The following MRPL37 variants were observed in gnomAD, a reference collection of about 807,000 sequenced individuals.
MRPL37 encodes the protein mitochondrial ribosomal protein L37.
In MRPL37, 34 loss-of-function variants were observed where a neutral mutation model predicts 44.1. That is an observed-to-expected ratio of 0.77 (90% CI 0.59 to 1.03). The LOEUF is 1.03. Ranked by LOEUF, MRPL37 falls within the 50% of genes least tolerant of loss-of-function variation. MRPL37 has a pLI of 0.00. For missense variants in MRPL37, 532 were observed against 543.7 expected, an observed-to-expected ratio of 0.98 and a Z score of 0.21; for synonymous variants, 212 against 219.5, an observed-to-expected ratio of 0.97 and a Z score of 0.30.
Position 54,201,713 on chromosome 1 carries a change from A to C in MRPL37, c.346+1124A>C, listed in dbSNP as rs148119083. Among the ~76,000 whole-genome samples the C allele has an allele frequency of 5.2e-4, 79 of 152,292 alleles. 1 individual carries two copies. In the East Asian group the frequency reaches 0.012, roughly 23 times the overall value. ...CTCAGATTCTCCTCCTAGCCTTGTCACTTACAAAGTATGTGAGTTGGAGCA... is the reference window on the plus strand; with the variant it reads ...CTCAGATTCTCCTCCTAGCCTTGTCCCTTACAAAGTATGTGAGTTGGAGCA... On this transcript the variant is annotated intron_variant, in intron 1 of 6. Transcript: ENST00000360840.
chr1:54,218,725 C>A (rs1644214575), downstream of MRPL37, among the ~76,000 whole-genome samples: 1 of 152,208 alleles, frequency 6.6e-6, no homozygotes, highest in Admixed American at 6.5e-5. Context: ...TCCCTCGTAT[C>A]CTGGTTAATG....
chr1:54,219,829 C>T (rs1003020298), downstream of MRPL37, among the ~76,000 whole-genome samples: 8 of 152,312 alleles, frequency 5.3e-5, 1 homozygote, highest in African/African-American at 1.7e-4. Flanking sequence ...GCCTGTTCTG[C>T]ACTTCCTTTT....
intron 1 of MRPL37, among the ~76,000 whole-genome samples, chr1:54,204,203 T>C (rs755349176): frequency 1.3e-5 from 2 of 152,144 alleles, no homozygotes; most frequent in Non-Finnish European, 2.9e-5. Flanking sequence ...GACAACATGG[T>C]GAAACCCTGT....
At position 54,212,525 on chromosome 1, in the gene MRPL37, C is replaced by A. The variant is rs757807185; in HGVS notation, c.857C>A (p.Pro286His). 2 of 1,614,196 alleles carry A rather than the reference C, an allele frequency of 1.2e-6. No homozygotes were observed. Among genetic ancestry groups the A allele is most frequent in the Middle Eastern group, 1.6e-4 (1 of 6,062 alleles). ...DTGFQEGYPY[P>H]YPHTLYLLDK... ...GGATTCCAGGAAGGCTATCCTTACCCCTATCCCCATACCCTGTACTTACTG... is the reference window on the plus strand; with the variant it reads ...GGATTCCAGGAAGGCTATCCTTACCACTATCCCCATACCCTGTACTTACTG... The change falls in exon 5 of 7, where the codon CCC becomes CAC. Residue 286 changes from proline (P) to histidine (H), a missense_variant. Transcript: ENST00000360840.
At chr1:54,201,772 T>C (rs1158041591) in intron 1 of MRPL37, among the ~76,000 whole-genome samples, 1 of 152,214 alleles carries the variant, frequency 6.6e-6, no homozygotes, top group South Asian at 2.1e-4. Context: ...TTTTTCATTT[T>C]ATGAAATCCC....
chr1:54,210,132 G>A lies in MRPL37; in HGVS notation c.832+1G>A. The A allele has an allele frequency of 6.2e-7, 1 of 1,613,270 alleles. No homozygotes were observed. Among genetic ancestry groups the A allele is most frequent in the Non-Finnish European group, 8.5e-7 (1 of 1,179,290 alleles). ...ATTTATGATGTGAAAAATGACACAG[G>A]TAAGGATCAATGTCTTGGACTTTTA... is the stretch of plus-strand genomic sequence containing the variant. On this transcript the variant is annotated splice_donor_variant, in intron 4 of 6. Coordinates refer to ENST00000360840, the MANE Select transcript of MRPL37 (RefSeq NM_016491.4). LOFTEE classifies it high-confidence loss of function.
At chr1:54,220,471 CT>C (rs1644225228), downstream of MRPL37, 1 of 373,446 alleles carries the variant, frequency 2.7e-6, no homozygotes, top group African/African-American at 2.1e-5. Flanking sequence ...CAAAGTACAG[CT>C]GATCTGCAAA....
At chr1:54,208,312 G>A (rs542821953) in intron 3 of MRPL37, among the ~76,000 whole-genome samples, 2 of 152,196 alleles carry the variant, frequency 1.3e-5, no homozygotes, top group South Asian at 2.1e-4. Flanking sequence ...GGAGGCCAAG[G>A]TGGGTGGATC....
In MRPL37 at chr1:54,208,527, C is replaced by T. The variant is rs375847012; in HGVS notation, c.647-1419C>T. Among the ~76,000 whole-genome samples, 121 of 117,684 alleles carry T rather than the reference C, an allele frequency of 1.0e-3. 2 individuals are homozygous for T. In the South Asian group the frequency reaches 0.02, roughly 19 times the overall value. The allele number at this position is 117,684 out of a possible 152,430, so 77.2% of individuals were successfully genotyped here. A position where few individuals can be genotyped will look rare whatever the true frequency, so the allele number is the denominator to read the frequency against. On this transcript the variant is annotated intron_variant, in intron 3 of 6. Coordinates refer to ENST00000360840, the MANE Select transcript of MRPL37 (RefSeq NM_016491.4). Reference sequence around the variant, plus strand: ...TTGCGCCACTGCACTCCAGCCTGGGCGACAGAGCAAGACTCCGTCTCAAAA... The same window carrying T: ...TTGCGCCACTGCACTCCAGCCTGGGTGACAGAGCAAGACTCCGTCTCAAAA...
At position 54,218,230 on chromosome 1, in the gene MRPL37, A is replaced by G. The variant is rs1413334760; in HGVS notation, c.1253A>G (p.Tyr418Cys). 2 of 1,613,990 alleles carry G rather than the reference A, an allele frequency of 1.2e-6. No homozygotes were observed. The highest frequency in any genetic ancestry group is 2.2e-5 in the East Asian group (1 of 44,886). Residue 418 changes from tyrosine (Y) to cysteine (C), a missense_variant, in exon 7 of 7, where the codon TAT (tyrosine) becomes TGT (cysteine). Coordinates refer to ENST00000360840, the MANE Select transcript of MRPL37 (RefSeq NM_016491.4). ...ACATTCAGAAAGTTTTTAGCTCTAT[A>G]TTTGCATGGTGCTGCGTGAGCGGAG... Reference protein sequence around the residue: ...PETFRKFLALYLHGAA With the variant: ...PETFRKFLALCLHGAA
chr1:54,203,310 G>A (rs1644097687), intron 1 of MRPL37, among the ~76,000 whole-genome samples: 2 of 151,994 alleles, frequency 1.3e-5, no homozygotes, highest in Admixed American at 1.3e-4. Flanking sequence ...CACTGGGCCT[G>A]GCTACGTATA....
At chr1:54,203,249 G>A (rs1172604208) in intron 1 of MRPL37, among the ~76,000 whole-genome samples, 1 of 151,966 alleles carries the variant, frequency 6.6e-6, no homozygotes, top group East Asian at 1.9e-4. Flanking sequence ...TGACCTCCTG[G>A]GCTCAAGTCA....
chr1:54,210,626 G>A (rs1315188377), intron 4 of MRPL37, among the ~76,000 whole-genome samples: 1 of 152,140 alleles, frequency 6.6e-6, no homozygotes, highest in African/African-American at 2.4e-5. Flanking sequence ...TACTCCGTCA[G>A]GCAAGACATC....
chr1:54,204,973 A>G (rs1306920735), intron 1 of MRPL37, 45 bp from the exon 2 acceptor site: 3 of 1,581,770 alleles, frequency 1.9e-6, no homozygotes, highest in Non-Finnish European at 1.7e-6. Flanking sequence ...CTCTTCCTGA[A>G]TCTTTTTCTT....
chr1:54,218,356 CAA>C lies in MRPL37; in HGVS notation c.*108_*109del. The C allele has an allele frequency of 1.3e-6, 2 of 1,584,712 alleles. No individual in the cohort carries two copies. The highest frequency in any genetic ancestry group is 2.3e-5 in the South Asian group (2 of 86,938). ...CCGTTTGGCCTGCTGCTCTCGCTGA[CAA>C]TAAAGAGCCCTTGCGTTGCACTGAA... On this transcript the variant is annotated 3_prime_UTR_variant, in exon 7 of 7. Coordinates refer to ENST00000360840, the MANE Select transcript of MRPL37 (RefSeq NM_016491.4).
rs767718617 is a variant in MRPL37, at chr1:54,210,151, ACTTTTAGG to A, written c.832+22_832+29del. ...ACACAGGTAAGGATCAATGTCTTGG[ACTTTTAGG>A]CAGTGTGGAGGAGAAGGACATGCTT... On this transcript the variant is annotated intron_variant, in intron 4 of 6. Coordinates refer to ENST00000360840, the MANE Select transcript of MRPL37 (RefSeq NM_016491.4). The A allele has an allele frequency of 6.2e-7, 1 of 1,606,870 alleles. No individual in the cohort carries two copies. The highest frequency in any genetic ancestry group is 1.7e-5 in the Admixed American group (1 of 59,830).
In MRPL37 at chr1:54,208,163, G is replaced by A. The variant is rs546865473; in HGVS notation, c.647-1783G>A. On this transcript the variant is annotated intron_variant, in intron 3 of 6. Transcript: ENST00000360840. ...CTGCATGTAGCATATATGCTAATCC[G>A]ACTTCAGTGAGGCTGTTTGACTGGC... Among the ~76,000 whole-genome samples the A allele has an allele frequency of 3.3e-5, 5 of 152,252 alleles. No individual in the cohort carries two copies. The South Asian group carries it at 1.0e-3, about 32-fold the overall frequency.
rs760140836 is a variant in MRPL37, at chr1:54,212,546, T to C, written c.878T>C (p.Leu293Ser). The change falls in exon 5 of 7, where the codon TTA (leucine) becomes TCA (serine). Residue 293 changes from leucine to serine, a missense_variant. Leu to Ser is a moderately radical substitution (Grantham distance 145, BLOSUM62 -2). Coordinates refer to ENST00000360840, the MANE Select transcript of MRPL37 (RefSeq NM_016491.4). ...YPYPYPHTLY[L>S]LDKANLRPHR... ...TACCCCTATCCCCATACCCTGTACT[T>C]ACTGGACAAAGCCAATTTACGACCA... The C allele has an allele frequency of 5.6e-6, 9 of 1,614,072 alleles. No individual in the cohort carries two copies. The Admixed American group carries it at 6.7e-5, about 12-fold the overall frequency.
At chr1:54,213,050 TA>T (rs1443761633) in intron 5 of MRPL37, among the ~76,000 whole-genome samples, 1 of 152,178 alleles carries the variant, frequency 6.6e-6, no homozygotes, top group African/African-American at 2.4e-5. Context: ...TCTGTTCTTG[TA>T]GTGGCAGAAG....
Sources: allele counts gnomAD v4.1 joint callset (sites outside exome capture counted in the v4.1 genomes callset), GRCh38; gene constraint gnomAD v4.1.1; transcripts MANE v1.5; gene names NCBI Gene and HGNC (gene_info 2026-07-23, HGNC 2026-07-21).